GTF2A1L: variants seen among roughly 807,000 people sequenced by gnomAD.
The protein encoded by GTF2A1L is general transcription factor IIA subunit 1 like.
In GTF2A1L, 48 loss-of-function variants were observed where a neutral mutation model predicts 49.7. The ratio of observed to expected loss-of-function variants is 0.97; its 90% confidence interval spans 0.77 to 1.23. The LOEUF is 1.23. Among genes scored for constraint, GTF2A1L ranks in the 50% most tolerant of loss-of-function variants. GTF2A1L has a pLI of 0.00. For missense variants in GTF2A1L, 736 were observed against 564.8 expected (o/e 1.30, Z -3.07); for synonymous variants, 246 against 193.5 (o/e 1.27, Z -2.25).
rs777369810 is a variant in GTF2A1L at position 48,624,090 on chromosome 2, G to A, written c.247+2800G>A. Among the ~76,000 whole-genome samples, 13 of 104,680 alleles carry A rather than the reference G, an allele frequency of 1.2e-4. 2 individuals carry two copies. Among genetic ancestry groups the A allele is most frequent in the Admixed American group, 5.9e-4 (6 of 10,160 alleles). The allele number at this position is 104,680 out of a possible 152,430, so 68.7% of individuals were successfully genotyped here. A position where few individuals can be genotyped will look rare whatever the true frequency, so the allele number is the denominator to read the frequency against. On this transcript the variant is annotated intron_variant, in intron 3 of 8. Coordinates refer to ENST00000403751, the MANE Select transcript of GTF2A1L (RefSeq NM_006872.5). ...TTGTTTGCTCTATCATATGTTCTTC[G>A]TTTTTTATTTGTGTAGTAATTTCCT...
rs1677331738 is a variant in GTF2A1L, at chr2:48,643,711, T to TC, written c.303+1254_303+1255insC. ...TAATACAATTTTTTTTTTTTTTTTTTTTTTTGAGACAGAGTCTTACTCTGT... is the reference window on the plus strand; with the variant it reads ...TAATACAATTTTTTTTTTTTTTTTTTCTTTTTGAGACAGAGTCTTACTCTGT... On this transcript the variant is annotated intron_variant, in intron 4 of 8. Transcript: ENST00000403751. 2.9e-5 allele frequency among the ~76,000 whole-genome samples: 4 copies of TC among 138,226 alleles called. 1 individual carries two copies. Among genetic ancestry groups the TC allele is most frequent in the Admixed American group, 2.8e-4 (4 of 14,174 alleles). The allele number at this position is 138,226 out of a possible 152,430, so 90.7% of individuals were successfully genotyped here.
intron 6 of GTF2A1L, among the ~76,000 whole-genome samples, chr2:48,659,495 C>G (rs1678371235): frequency 6.6e-6 from 1 of 151,752 alleles, no homozygotes; most frequent in Non-Finnish European, 1.5e-5. Context: ...AGATTTTTTT[C>G]TTTTTCTGCA....
intron 8 of GTF2A1L, among the ~76,000 whole-genome samples, chr2:48,677,978 GGTGTGTGTGTGTGTGT>G (rs5830998): frequency 1.4e-5 from 2 of 148,034 alleles, no homozygotes; most frequent in East Asian, 2.0e-4. Context: ...CTCTGAGATG[GGTGTGTGTGTGTGTGT>G]GTGTGTGTGT....
Position 48,646,446 on chromosome 2 carries a change from T to G in GTF2A1L, c.389-7T>G. ...TATACTTACAATTTTGCTTTCTCCTTTTTAAGGTCACCTTTATAAAGTCAA... is the reference window on the plus strand; with the variant it reads ...TATACTTACAATTTTGCTTTCTCCTGTTTAAGGTCACCTTTATAAAGTCAA... On this transcript the variant is annotated splice_polypyrimidine_tract_variant and splice_region_variant and intron_variant, in intron 5 of 8. Transcript: ENST00000403751. 1 of 1,566,414 alleles carries G rather than the reference T, an allele frequency of 6.4e-7. No individual in the cohort carries two copies. The highest frequency in any genetic ancestry group is 8.6e-7 in the Non-Finnish European group (1 of 1,161,984).
At chr2:48,643,695 T>G (rs1462112419) in intron 4 of GTF2A1L, among the ~76,000 whole-genome samples, 1 of 101,168 alleles carries the variant, frequency 9.9e-6, no homozygotes, top group Non-Finnish European at 2.0e-5. Context: ...TTAATACAAT[T>G]TTTTTTTTTT....
intron 6 of GTF2A1L, among the ~76,000 whole-genome samples, chr2:48,648,516 G>A (rs940192285): frequency 4.6e-5 from 7 of 152,010 alleles, no homozygotes; most frequent in Non-Finnish European, 8.8e-5. Flanking sequence ...ATTGATTGGG[G>A]GTAGTGGTTG....
At chr2:48,632,678 C>T (rs542698344) in intron 3 of GTF2A1L, 56 of 159,492 alleles carry the variant, frequency 3.5e-4, no homozygotes, top group African/African-American at 1.3e-3. Flanking sequence ...ACCACGCCAG[C>T]CGACCTGTTT....
intron 6 of GTF2A1L, among the ~76,000 whole-genome samples, chr2:48,664,086 T>C (rs981559484): frequency 2.0e-5 from 3 of 152,194 alleles, no homozygotes; most frequent in African/African-American, 7.2e-5. Flanking sequence ...ATAATCTATT[T>C]TGATGAATAA....
chr2:48,670,978 T>A (rs2104307395), intron 7 of GTF2A1L, among the ~76,000 whole-genome samples: 1 of 152,096 alleles, frequency 6.6e-6, no homozygotes, highest in African/African-American at 2.4e-5. Flanking sequence ...CACACCACCA[T>A]GCCCAGCTAA....
chr2:48,651,518 C>G lies in GTF2A1L; in HGVS notation c.978+4476C>G, dbSNP rs145997016. 3.0e-3 allele frequency among the ~76,000 whole-genome samples: 445 copies of G among 150,528 alleles called. 2 individuals are homozygous for G. The highest frequency in any genetic ancestry group is 4.7e-3 in the Non-Finnish European group (321 of 67,824). ...GGTTAGTAAAATTTGGTACTCTATA[C>G]CATTGGAGCTCCTGAGATGCTTGGC... On this transcript the variant is annotated intron_variant, in intron 6 of 8. Coordinates refer to ENST00000403751, the MANE Select transcript of GTF2A1L (RefSeq NM_006872.5).
In GTF2A1L at chr2:48,647,000, A is replaced by G; in HGVS notation, c.936A>G (p.Pro312=). Reference sequence around the variant, plus strand: ...ATGGATGTGATTCTGTAAAGCAACCAAGAAATATAGAGGAACCCAGCAACA... The same window carrying G: ...ATGGATGTGATTCTGTAAAGCAACCGAGAAATATAGAGGAACCCAGCAACA... ...RMYGCDSVKQ[P]RNIEEPSNIP... is the part of the protein sequence containing the mutation. The change falls in exon 6 of 9, where the codon CCA becomes CCG. Residue 312 remains proline, a synonymous_variant. Transcript: ENST00000403751. The G allele has an allele frequency of 1.2e-6, 2 of 1,613,812 alleles. No individual in the cohort carries two copies. The highest frequency in any genetic ancestry group is 1.7e-6 in the Non-Finnish European group (2 of 1,179,886).
chr2:48,640,327 G>C (rs556833411), intron 3 of GTF2A1L, among the ~76,000 whole-genome samples: 1 of 152,168 alleles, frequency 6.6e-6, no homozygotes, highest in Admixed American at 6.5e-5. Flanking sequence ...TAAAGGAAAT[G>C]TGGTACGTAT....
At chr2:48,666,441 C>T (rs1678844951) in intron 6 of GTF2A1L, among the ~76,000 whole-genome samples, 1 of 152,132 alleles carries the variant, frequency 6.6e-6, no homozygotes. Flanking sequence ...GAACTCCTGA[C>T]CTTGTGATCT....
chr2:48,670,537 G>A (rs1454382681), intron 7 of GTF2A1L, among the ~76,000 whole-genome samples: 1 of 152,156 alleles, frequency 6.6e-6, no homozygotes, highest in South Asian at 2.1e-4. Flanking sequence ...AAAGAAGGCA[G>A]CCTAGGTAGA....
chr2:48,620,805 A>G (rs1675946728), intron 1 of GTF2A1L, 46 bp from the exon 2 acceptor site: 1 of 1,038,344 alleles, frequency 9.6e-7, no homozygotes, highest in East Asian at 4.3e-5. Context: ...AAATAAATAA[A>G]TAAATAAATA....
At chr2:48,643,807 C>G (rs1677338956) in intron 4 of GTF2A1L, among the ~76,000 whole-genome samples, 1 of 146,204 alleles carries the variant, frequency 6.8e-6, no homozygotes, top group Non-Finnish European at 1.5e-5. Flanking sequence ...TCAAGTGATT[C>G]TTCTGCTTCA....
At chr2:48,625,742 C>G (rs1038059800) in intron 3 of GTF2A1L, among the ~76,000 whole-genome samples, 3 of 142,844 alleles carry the variant, frequency 2.1e-5, no homozygotes, top group African/African-American at 7.5e-5. Context: ...TCTATCATGC[C>G]TGGCTAATTT....
At chr2:48,660,585 G>A (rs183744691) in intron 6 of GTF2A1L, among the ~76,000 whole-genome samples, 1 of 151,846 alleles carries the variant, frequency 6.6e-6, no homozygotes, top group East Asian at 1.9e-4. Context: ...TTCTCTTAAA[G>A]TTCTTTATAT....
intron 6 of GTF2A1L, among the ~76,000 whole-genome samples, chr2:48,659,618 C>G (rs1572755495): frequency 6.6e-6 from 1 of 151,852 alleles, no homozygotes. Flanking sequence ...GGGTGTCTTT[C>G]CATTGATTTT....
Sources: allele counts gnomAD v4.1 joint callset (sites outside exome capture counted in the v4.1 genomes callset), GRCh38; gene constraint gnomAD v4.1.1; transcripts MANE v1.5; gene names NCBI Gene and HGNC (gene_info 2026-07-23, HGNC 2026-07-21).